Variants in ZSCAN5A observed in about 807,000 individuals in gnomAD.
ZSCAN5A encodes zinc finger and SCAN domain-containing protein 5A.
ZSCAN5A carries 12 observed loss-of-function variants against 23.7 expected under a neutral mutation model. The ratio of observed to expected loss-of-function variants is 0.51; its 90% CI spans 0.32 to 0.82. The LOEUF is 0.82. Among genes scored for constraint, ZSCAN5A ranks in the 40% least tolerant of loss-of-function variants. The probability of loss-of-function intolerance (pLI) is 0.03; values close to 1 mark genes in which losing one functional copy is unlikely to be tolerated. For synonymous variants in ZSCAN5A, 257 were observed against 239.9 expected, an observed-to-expected ratio of 1.07 and a Z score of -0.66; for missense variants, 597 against 617.9, an observed-to-expected ratio of 0.97 and a Z score of 0.36.
intron 2 of ZSCAN5A, chr19:56,295,040 C>G (rs1214593877): frequency 6.6e-6 from 1 of 152,172 alleles, no homozygotes; most frequent in East Asian, 1.9e-4. Context: ...GAGGCAATGG[C>G]CAACGGGTAC....
intron 2 of ZSCAN5A, among the ~76,000 whole-genome samples, chr19:56,327,273 C>T (rs1181534543): frequency 1.3e-5 from 2 of 151,516 alleles, no homozygotes; most frequent in African/African-American, 4.9e-5. Flanking sequence ...CATCCCACCG[C>T]ACCTGGCTAT....
chr19:56,341,702 CAAAAAAAAAAAA>C (rs1175628460), intron 2 of ZSCAN5A, among the ~76,000 whole-genome samples: 5 of 53,788 alleles, frequency 9.3e-5, no homozygotes, highest in Admixed American at 2.7e-4. Flanking sequence ...TACCAAAAGG[CAAAAAAAAAAAA>C]AAAAAAAAAA....
intron 2 of ZSCAN5A, among the ~76,000 whole-genome samples, chr19:56,353,657 C>T (rs2041683050): frequency 6.6e-6 from 1 of 152,068 alleles, no homozygotes; most frequent in Non-Finnish European, 1.5e-5. Flanking sequence ...TGGCAGGCAC[C>T]TGTAGTCCCA....
At chr19:56,264,453 T>C (rs906829277) in intron 2 of ZSCAN5A, among the ~76,000 whole-genome samples, 1 of 152,208 alleles carries the variant, frequency 6.6e-6, no homozygotes. Context: ...CCAGGAATGA[T>C]GCAGTACATT....
At chr19:56,367,008 A>G (rs1600306806) in intron 1 of ZSCAN5A, among the ~76,000 whole-genome samples, 1 of 152,224 alleles carries the variant, frequency 6.6e-6, no homozygotes, top group East Asian at 1.9e-4. Flanking sequence ...GACGTATTAA[A>G]ACCAACTCAT....
chr19:56,272,435 T>C (rs1181174002), intron 2 of ZSCAN5A, among the ~76,000 whole-genome samples: 1 of 152,230 alleles, frequency 6.6e-6, no homozygotes. Flanking sequence ...ACTTTATTCA[T>C]GGACACTGAA....
chr19:56,228,371 G>A lies in ZSCAN5A; in HGVS notation c.-127-3198C>T, dbSNP rs146969637. On this transcript the variant is annotated intron_variant, in intron 2 of 5. Transcript: ENST00000683990. ...CTCCAGGCCGCGTTTCCGGTTCCCT[G>A]CGCCGCCCCGTGATTGGTTTAGGGC... The A allele has an allele frequency of 1.6e-3, 1,616 of 985,342 alleles. 18 individuals carry two copies. The African/African-American group carries it at 0.026, about 16-fold the overall frequency. 61.0% of individuals were successfully genotyped at this position (985,342 alleles called of 1,614,324 possible).
chr19:56,264,676 G>GGT (rs2037347306), intron 2 of ZSCAN5A, among the ~76,000 whole-genome samples: 1 of 152,210 alleles, frequency 6.6e-6, no homozygotes, highest in Non-Finnish European at 1.5e-5. Flanking sequence ...CTTATGTATT[G>GGT]TCTCTGGTGG....
intron 2 of ZSCAN5A, among the ~76,000 whole-genome samples, chr19:56,231,773 G>C (rs1326885842): frequency 6.6e-6 from 1 of 152,094 alleles, no homozygotes; most frequent in African/African-American, 2.4e-5. Flanking sequence ...CCTCTAGCTG[G>C]TTCCTGTGCC....
chr19:56,222,001 G>C lies in ZSCAN5A; in HGVS notation c.1065C>G (p.Pro355=), dbSNP rs552619938. Residue 355 remains proline, a synonymous_variant, in exon 6 of 6, where the codon CCC becomes CCG. Coordinates refer to ENST00000683990, the MANE Select transcript of ZSCAN5A (RefSeq NM_001322064.3). ...TCTTCTCGCACACGTCACATGCAAAGGGCGGCAGTGCCTTGGCTTCTTGGC... is the reference window on the plus strand; with the variant it reads ...TCTTCTCGCACACGTCACATGCAAACGGCGGCAGTGCCTTGGCTTCTTGGC... ...PDGQEAKALP[P]FACDVCEKRF... 2.5e-6 allele frequency: 4 copies of C among 1,614,224 alleles called. No homozygotes were observed. Among genetic ancestry groups the C allele is most frequent in the East Asian group, 4.5e-5 (2 of 44,882 alleles).
intron 1 of ZSCAN5A, among the ~76,000 whole-genome samples, chr19:56,314,025 A>G (rs970712199): frequency 2.8e-4 from 42 of 152,176 alleles, no homozygotes; most frequent in Admixed American, 2.7e-3. Context: ...GCTGGAGAGA[A>G]TTTTTCCTGG....
intron 2 of ZSCAN5A, chr19:56,295,169 T>C (rs867533886): frequency 6.6e-6 from 1 of 152,206 alleles, no homozygotes; most frequent in African/African-American, 2.4e-5. Flanking sequence ...TCATAAGTTA[T>C]GTGAATTATA....
At chr19:56,229,383 C>T (rs967903581) in intron 2 of ZSCAN5A, among the ~76,000 whole-genome samples, 1 of 152,164 alleles carries the variant, frequency 6.6e-6, no homozygotes, top group African/African-American at 2.4e-5. Flanking sequence ...AAGACTATGT[C>T]AGTAAAGTGC....
chr19:56,274,277 A>C (rs1421404658), intron 2 of ZSCAN5A, among the ~76,000 whole-genome samples: 1 of 152,104 alleles, frequency 6.6e-6, no homozygotes, highest in African/African-American at 2.4e-5. Context: ...AACATGGCGA[A>C]ACCCCATCTC....
At chr19:56,255,482 C>T (rs889984056) in intron 2 of ZSCAN5A, among the ~76,000 whole-genome samples, 3 of 152,116 alleles carry the variant, frequency 2.0e-5, no homozygotes, top group Admixed American at 6.5e-5. Flanking sequence ...GCTCACAGGC[C>T]GACTCTGTGC....
chr19:56,225,254 G>A, intron 2 of ZSCAN5A, 81 bp from the exon 3 acceptor site: 1 of 1,304,492 alleles, frequency 7.7e-7, no homozygotes, highest in South Asian at 1.8e-5. Flanking sequence ...CATCCTGGAT[G>A]CCACTTCTTC....
intron 2 of ZSCAN5A, among the ~76,000 whole-genome samples, chr19:56,302,363 T>G (rs1295165105): frequency 7.4e-6 from 1 of 134,572 alleles, no homozygotes; most frequent in East Asian, 2.6e-4. Context: ...TTTTCTTCCC[T>G]CCCTTACTTC....
In ZSCAN5A at chr19:56,351,839, C is replaced by T. The variant is rs2041669377; in HGVS notation, c.-358+11396G>A. Among the ~76,000 whole-genome samples the T allele has an allele frequency of 2.6e-5, 4 of 152,152 alleles. No homozygotes were observed. In the South Asian group the frequency reaches 8.3e-4, roughly 32 times the overall value. On this transcript the variant is annotated intron_variant, in intron 2 of 6. Transcript: ENST00000587340. The surrounding 1 kb of genome is among the most constrained non-coding windows in gnomAD (Gnocchi z 4.8). ...TGCAGCGAATACGAACCTGGGAAGA[C>T]TGTGGTGTTTCTTTAGATGGCTGGT...
At chr19:56,248,728 T>C (rs1223254961) in intron 2 of ZSCAN5A, among the ~76,000 whole-genome samples, 1 of 152,172 alleles carries the variant, frequency 6.6e-6, no homozygotes, top group Non-Finnish European at 1.5e-5. Flanking sequence ...CCACCACGCC[T>C]GGCTAATGAC....
Sources: gnomAD v4.1 joint callset for allele counts (sites outside exome capture counted in the v4.1 genomes callset) on GRCh38, gnomAD v4.1.1 for gene constraint, Gnocchi (gnomAD v3.1) non-coding constraint, MANE v1.5 for transcripts, NCBI Gene and HGNC (gene_info 2026-07-23, HGNC 2026-07-21) for gene names.